The following TLR5 variants were observed in gnomAD, a reference collection of about 807,000 sequenced individuals.
TLR5 encodes the protein toll-like receptor 5.
For missense variants in TLR5, 944 were observed against 999.8 expected, an observed-to-expected ratio of 0.94 and a Z score of 0.75; for synonymous variants, 373 against 384.4, an observed-to-expected ratio of 0.97 and a Z score of 0.35.
Position 223,110,411 on chromosome 1 carries a change from A to T in TLR5, c.*44T>A, listed in dbSNP as rs766066480. The T allele has an allele frequency of 6.2e-7, 1 of 1,604,420 alleles. No homozygotes were observed. Among genetic ancestry groups the T allele is most frequent in the Non-Finnish European group, 8.5e-7 (1 of 1,172,714 alleles). On this transcript the variant is annotated 3_prime_UTR_variant, in exon 6 of 6. Coordinates refer to ENST00000642603, the MANE Select transcript of TLR5 (RefSeq NM_003268.6). ...ATAACTTGGTGCAAATACAAAGTGA[A>T]GAGTTATTTGTGGCTTGAGATAAGT...
chr1:223,134,325 TAG>T (rs1379570582), intron 4 of TLR5: 1 of 152,140 alleles, frequency 6.6e-6, no homozygotes. Flanking sequence ...AGGGGAAAGT[TAG>T]AGAGGGAAAG....
At chr1:223,141,554 C>T (rs1278139283) in intron 2 of TLR5, 94 bp downstream of exon 2, 1 of 151,966 alleles carries the variant, frequency 6.6e-6, no homozygotes, top group Admixed American at 6.6e-5. Context: ...AGGCGGATCA[C>T]CTGAGGTCAG....
At chr1:223,121,084 G>GA (rs1041489026) in intron 5 of TLR5, among the ~76,000 whole-genome samples, 3 of 151,672 alleles carry the variant, frequency 2.0e-5, no homozygotes, top group East Asian at 1.9e-4. Context: ...CCCTGCCTTG[G>GA]AAAAAAAATG....
At position 223,112,382 on chromosome 1, in the gene TLR5, C is replaced by A; in HGVS notation, c.650G>T (p.Gly217Val). Residue 217 changes from glycine (G) to valine (V), a missense_variant, in exon 6 of 6, where the codon GGA (glycine) becomes GTA (valine). Gly to Val is a moderately radical substitution (Grantham distance 109). Transcript: ENST00000642603. ...SLYSRVSVDW[G>V]KCMNPFRNMV... is the part of the protein sequence containing the mutation. ...GTTTCTGAATGGGTTCATACATTTT[C>A]CCCAGTCCACTGAGACTCTGCTATA... 6.2e-7 allele frequency: 1 copy of A among 1,614,186 alleles called. No individual in the cohort carries two copies. The highest frequency in any genetic ancestry group is 8.5e-7 in the Non-Finnish European group (1 of 1,180,042).
At position 223,110,514 on chromosome 1, in the gene TLR5, C is replaced by T. The variant is rs759246875; in HGVS notation, c.2518G>A (p.Glu840Lys). ...HKLSQQILKK[E>K]KEKKKDNNIP... ...TTATTGTCTTTCTTCTTTTCTTTTTCTTTCTTTAGTATCTGTTGAGAGAGT... is the reference window on the plus strand; with the variant it reads ...TTATTGTCTTTCTTCTTTTCTTTTTTTTTCTTTAGTATCTGTTGAGAGAGT... Residue 840 changes from glutamate to lysine, a missense_variant, in exon 6 of 6, where the codon GAA becomes AAA. Coordinates refer to ENST00000642603, the MANE Select transcript of TLR5 (RefSeq NM_003268.6). The T allele has an allele frequency of 6.2e-7, 1 of 1,613,980 alleles. No individual in the cohort carries two copies. The highest frequency in any genetic ancestry group is 8.5e-7 in the Non-Finnish European group (1 of 1,179,982).
chr1:223,142,726 A>G (rs928073681), intron 1 of TLR5, among the ~76,000 whole-genome samples: 18 of 152,026 alleles, frequency 1.2e-4, no homozygotes, highest in African/African-American at 4.1e-4. Flanking sequence ...CCTTTTGTTG[A>G]GCAGCTCAGT....
rs1656448802 is a variant in TLR5, at chr1:223,113,017, C to G, written c.15G>C (p.Leu5=). Residue 5 remains leucine (L), a synonymous_variant, in exon 6 of 6, where the codon CTG becomes CTC. Transcript: ENST00000642603. ...TGAGCACCACTCCTAGGAGAAGGTCCAGGTGGTCTCCCATGATCCTATGGA... is the reference window on the plus strand; with the variant it reads ...TGAGCACCACTCCTAGGAGAAGGTCGAGGTGGTCTCCCATGATCCTATGGA... MGDH[L]DLLLGVVLMA... is the part of the protein sequence containing the mutation. 6.2e-7 allele frequency: 1 copy of G among 1,613,988 alleles called. No homozygotes were observed. Among genetic ancestry groups the G allele is most frequent in the African/African-American group, 1.3e-5 (1 of 74,894 alleles).
intron 3 of TLR5, among the ~76,000 whole-genome samples, chr1:223,135,332 A>G (rs1434797651): frequency 6.6e-6 from 1 of 152,120 alleles, no homozygotes; most frequent in East Asian, 1.9e-4. Flanking sequence ...GTGTCCTGGG[A>G]CCCGAAGGAG....
intron 2 of TLR5, among the ~76,000 whole-genome samples, chr1:223,137,980 A>G (rs111980508): frequency 1.0e-4 from 2 of 20,008 alleles, no homozygotes; most frequent in Admixed American, 7.8e-4. Context: ...TTTTTTTGAG[A>G]CCAGGTCTCA....
At position 223,110,523 on chromosome 1, in the gene TLR5, G is replaced by T. The variant is rs762360213; in HGVS notation, c.2509C>A (p.Leu837Ile). The T allele has an allele frequency of 6.2e-7, 1 of 1,614,034 alleles. No individual in the cohort carries two copies. The change falls in exon 6 of 6, where the codon CTA becomes ATA. Residue 837 changes from leucine (L) to isoleucine (I), a missense_variant. Leu to Ile is a conservative substitution (Grantham distance 5). Coordinates refer to ENST00000642603, the MANE Select transcript of TLR5 (RefSeq NM_003268.6). ...TTCTTCTTTTCTTTTTCTTTCTTTA[G>T]TATCTGTTGAGAGAGTTTATGAAGA... Reference protein sequence around the residue: ...WFLHKLSQQILKKEKEKKKDN... With the variant: ...WFLHKLSQQIIKKEKEKKKDN...
intron 5 of TLR5, among the ~76,000 whole-genome samples, chr1:223,115,681 G>A (rs1326060878): frequency 6.6e-6 from 1 of 152,234 alleles, no homozygotes; most frequent in African/African-American, 2.4e-5. Context: ...CTGACAGGCA[G>A]AGGTAAATGC....
At chr1:223,128,702 AT>A (rs1366661602) in intron 5 of TLR5, 2 of 152,132 alleles carry the variant, frequency 1.3e-5, no homozygotes, top group Non-Finnish European at 2.9e-5. Flanking sequence ...CAGATGGGAA[AT>A]TGGCTGTCCG....
At chr1:223,116,986 G>A (rs748618167) in intron 5 of TLR5, among the ~76,000 whole-genome samples, 17 of 152,200 alleles carry the variant, frequency 1.1e-4, no homozygotes, top group Non-Finnish European at 1.6e-4. Flanking sequence ...TTGGGTGGTC[G>A]ATGGGACCGG....
At chr1:223,114,762 A>C (rs1267309058) in intron 5 of TLR5, among the ~76,000 whole-genome samples, 1 of 152,202 alleles carries the variant, frequency 6.6e-6, no homozygotes, top group East Asian at 1.9e-4. Context: ...CTTGGTGAGA[A>C]TGTTTATCAC....
At chr1:223,126,843 G>A (rs1657185872) in intron 5 of TLR5, 1 of 152,230 alleles carries the variant, frequency 6.6e-6, no homozygotes, top group Non-Finnish European at 1.5e-5. Context: ...AACAATCAAT[G>A]CAGGCTTCAA....
chr1:223,137,744 C>T (rs1007121602), intron 2 of TLR5, among the ~76,000 whole-genome samples: 9 of 152,076 alleles, frequency 5.9e-5, no homozygotes, highest in African/African-American at 1.9e-4. Flanking sequence ...CATAAATGAG[C>T]TCCTTCCCTA....
chr1:223,126,988 G>C (rs1657193108), intron 5 of TLR5: 1 of 152,140 alleles, frequency 6.6e-6, no homozygotes, highest in Admixed American at 6.5e-5. Context: ...TGACTTCATT[G>C]CCTGGACAGC....
Position 223,136,704 on chromosome 1 carries a change from C to T in TLR5, c.-353+474G>A, listed in dbSNP as rs117497248. ...GTTCAAATCCAGACAGTTTCCCTGACTGTAAAATGGGATGGTTATGAAGAG... is the reference window on the plus strand; with the variant it reads ...GTTCAAATCCAGACAGTTTCCCTGATTGTAAAATGGGATGGTTATGAAGAG... On this transcript the variant is annotated intron_variant, in intron 3 of 5. Transcript: ENST00000642603. Among the ~76,000 whole-genome samples the T allele has an allele frequency of 1.1e-4, 17 of 152,260 alleles. No individual in the cohort carries two copies. The East Asian group carries it at 2.5e-3, about 22-fold the overall frequency.
chr1:223,124,984 C>G (rs1262561467), intron 5 of TLR5, among the ~76,000 whole-genome samples: 2 of 152,138 alleles, frequency 1.3e-5, no homozygotes, highest in South Asian at 2.1e-4. Flanking sequence ...GTGCATGTGG[C>G]TCAAATCACA....
Sources: allele counts gnomAD v4.1 joint callset (sites outside exome capture counted in the v4.1 genomes callset), GRCh38; gene constraint gnomAD v4.1.1; transcripts MANE v1.5; gene names NCBI Gene and HGNC (gene_info 2026-07-23, HGNC 2026-07-21).